The following ZNF264 variants were observed in gnomAD, a reference collection of about 807,000 sequenced individuals.
ZNF264 encodes zinc finger protein 264.
In ZNF264, 11 loss-of-function variants were observed where a neutral mutation model predicts 11.2. The ratio of observed to expected loss-of-function variants is 0.98; its 90% CI spans 0.62 to 1.63. The LOEUF is 1.63. Among genes scored for constraint, ZNF264 ranks in the 40% most tolerant of loss-of-function variants. The pLI is 0.00. For missense variants in ZNF264, 752 were observed against 768.1 expected (o/e 0.98, Z 0.25); for synonymous variants, 309 against 279.8 (o/e 1.10, Z -1.04).
intron 2 of ZNF264, among the ~76,000 whole-genome samples, chr19:57,203,456 A>G (rs955988800): frequency 6.6e-6 from 1 of 152,152 alleles, no homozygotes; most frequent in Non-Finnish European, 1.5e-5. Flanking sequence ...AAATATGACT[A>G]CTGTATTTTC....
Position 57,211,679 on chromosome 19 carries a change from C to T in ZNF264, c.582C>T (p.Pro194=), listed in dbSNP as rs143794278. The part of the protein sequence containing the change: ...SHNSCESGKD[P]MIQEEENNFK... ...ACTCATGTGAGTCAGGTAAAGATCC[C>T]ATGATTCAGGAAGAGGAAAATAACT... is the stretch of plus-strand genomic sequence containing the variant. The change falls in exon 4 of 4, where the codon CCC becomes CCT. Residue 194 remains proline, a synonymous_variant. Transcript: ENST00000263095. 9.0e-5 allele frequency: 146 copies of T among 1,614,118 alleles called. No homozygotes were observed. The African/African-American group carries it at 1.8e-3, about 20-fold the overall frequency.
chr19:57,192,672 C>T, intron 1 of ZNF264: 1 of 547,298 alleles, frequency 1.8e-6, no homozygotes, highest in Non-Finnish European at 2.3e-6. Context: ...TAGATGCAGC[C>T]CTTCCAGTGC....
chr19:57,201,196 T>C (rs1400855279), intron 2 of ZNF264, among the ~76,000 whole-genome samples: 1 of 152,072 alleles, frequency 6.6e-6, no homozygotes, highest in East Asian at 1.9e-4. Context: ...CTTTCTTTTT[T>C]CTGCCCCTTG....
rs540868766 is a variant in ZNF264 at position 57,212,601 on chromosome 19, A to C, written c.1504A>C (p.Lys502Gln). 37 of 1,613,848 alleles carry C rather than the reference A, an allele frequency of 2.3e-5. No individual in the cohort carries two copies. Among genetic ancestry groups the C allele is most frequent in the East Asian group, 2.0e-4 (9 of 44,790 alleles). Residue 502 changes from lysine (K) to glutamine (Q), a missense_variant, in exon 4 of 4, where the codon AAG (lysine) becomes CAG (glutamine). By Grantham distance (53) the Lys-to-Gln change is moderately conservative. Transcript: ENST00000263095. The stretch of plus-strand genomic sequence containing the variant: ...CCGCATGTCGGGCCTCACGAGGCAC[A>C]AGCGGATTCATAGTGGAGAGAAGCC... The part of the protein sequence containing the change: ...FTRMSGLTRH[K>Q]RIHSGEKPYE...
At chr19:57,200,249 AC>A (rs752942449) in intron 2 of ZNF264, among the ~76,000 whole-genome samples, 1 of 151,588 alleles carries the variant, frequency 6.6e-6, no homozygotes, top group Non-Finnish European at 1.5e-5. Context: ...AAAGAATGGG[AC>A]CCTGAAACTT....
intron 3 of ZNF264, among the ~76,000 whole-genome samples, chr19:57,207,791 A>G (rs2087304576): frequency 1.3e-5 from 2 of 149,228 alleles, no homozygotes; most frequent in African/African-American, 5.0e-5. Context: ...CAATGGCGCA[A>G]TCTCGGCTTA....
rs1340959807 is a variant in ZNF264, at chr19:57,191,654, C to T, written c.-260C>T. ...GCCTGACCCCTTCCGTGGGTTTGTT[C>T]CTGGGTCGCCGTCAAGCTGCGGTCT... On this transcript the variant is annotated 5_prime_UTR_variant, in exon 1 of 4. Transcript: ENST00000263095. The T allele has an allele frequency of 1.8e-5, 7 of 390,742 alleles. No individual in the cohort carries two copies. The highest frequency in any genetic ancestry group is 1.2e-4 in the African/African-American group (6 of 48,204). 24.2% of individuals were successfully genotyped at this position (390,742 alleles called of 1,614,324 possible). A position where few individuals can be genotyped will look rare whatever the true frequency, so the allele number is the denominator to read the frequency against.
chr19:57,212,836 A>G lies in ZNF264; in HGVS notation c.1739A>G (p.Gln580Arg), dbSNP rs148110986. The change falls in exon 4 of 4, where the codon CAA becomes CGA. Residue 580 changes from glutamine (Q) to arginine (R), a missense_variant. Gln to Arg is a conservative substitution (Grantham distance 43, BLOSUM62 1). Coordinates refer to ENST00000263095, the MANE Select transcript of ZNF264 (RefSeq NM_003417.5). ...TDVGRPFTSGQTSVTLRELLL... is the reference protein window; with the variant it reads ...TDVGRPFTSGRTSVTLRELLL... ...GTGGGAAGACCTTTTACAAGTGGAC[A>G]AACCTCAGTTACCCTTCGAGAACTT... is the stretch of plus-strand genomic sequence containing the variant. The G allele has an allele frequency of 2.8e-4, 445 of 1,614,222 alleles. 1 individual carries two copies. The highest frequency in any genetic ancestry group is 2.3e-3 in the Middle Eastern group (14 of 6,062).
At chr19:57,202,711 A>T in intron 2 of ZNF264, among the ~76,000 whole-genome samples, 1 of 151,884 alleles carries the variant, frequency 6.6e-6, no homozygotes, top group Non-Finnish European at 1.5e-5. Context: ...TTGCCCTAGG[A>T]GTCTCTTCAT....
At chr19:57,209,512 A>C (rs1453913304) in intron 3 of ZNF264, among the ~76,000 whole-genome samples, 1 of 152,172 alleles carries the variant, frequency 6.6e-6, no homozygotes, top group African/African-American at 2.4e-5. Context: ...TCATTGATCT[A>C]GATCATCTTT....
In ZNF264 at chr19:57,211,903, A is replaced by T. The variant is rs143071364; in HGVS notation, c.806A>T (p.Asn269Ile). Residue 269 changes from asparagine to isoleucine, a missense_variant, in exon 4 of 4, where the codon AAC (asparagine) becomes ATC (isoleucine). Transcript: ENST00000263095. ...YECMECGKAF[N>I]RKSYLTQHQR... ...TGCATGGAGTGTGGAAAGGCCTTCA[A>T]CCGCAAGTCATACCTTACCCAGCAC... The T allele has an allele frequency of 6.2e-7, 1 of 1,612,610 alleles. No individual in the cohort carries two copies.
At chr19:57,192,002 C>T in intron 1 of ZNF264, 56 bp downstream of exon 1, 1 of 1,449,518 alleles carries the variant, frequency 6.9e-7, no homozygotes, top group Non-Finnish European at 9.1e-7. Context: ...GAGGCGGTTT[C>T]CGAAGTGGGT....
intron 2 of ZNF264, among the ~76,000 whole-genome samples, chr19:57,200,573 GTCTTGTCT>G (rs2087245761): frequency 9.6e-6 from 1 of 104,376 alleles, no homozygotes; most frequent in Non-Finnish European, 1.9e-5. Context: ...GTCTTGTCTT[GTCTTGTCT>G]TGTCTTGTCT....
intron 3 of ZNF264, among the ~76,000 whole-genome samples, chr19:57,208,117 A>G (rs998965365): frequency 6.6e-6 from 1 of 152,222 alleles, no homozygotes; most frequent in Non-Finnish European, 1.5e-5. Flanking sequence ...GGCCTCCCAA[A>G]GTGCAGGGAT....
At chr19:57,207,869 G>A (rs1018910501) in intron 3 of ZNF264, among the ~76,000 whole-genome samples, 13 of 152,038 alleles carry the variant, frequency 8.6e-5, no homozygotes, top group Non-Finnish European at 1.8e-4. Context: ...TGGGATTATA[G>A]GTGCATGCCA....
chr19:57,211,965 A>G lies in ZNF264; in HGVS notation c.868A>G (p.Asn290Asp). ...IHSGEKPYKCNECGKAFTHRS... is the reference protein window; with the variant it reads ...IHSGEKPYKCDECGKAFTHRS... ...CAGTGGAGAGAAGCCTTACAAGTGC[A>G]ATGAATGCGGAAAGGCCTTCACCCA... Residue 290 changes from asparagine to aspartate, a missense_variant, in exon 4 of 4, where the codon AAT (asparagine) becomes GAT (aspartate). By Grantham distance (23) the Asn-to-Asp change is conservative. Transcript: ENST00000263095. 6.2e-7 allele frequency: 1 copy of G among 1,614,048 alleles called. No homozygotes were observed. The highest frequency in any genetic ancestry group is 8.5e-7 in the Non-Finnish European group (1 of 1,180,004).
intron 2 of ZNF264, among the ~76,000 whole-genome samples, chr19:57,204,042 C>T (rs1440820731): frequency 2.6e-5 from 4 of 152,076 alleles, no homozygotes; most frequent in Non-Finnish European, 5.9e-5. Context: ...AAAAAATTAG[C>T]CAGGTGTGGT....
chr19:57,202,124 T>C (rs1256009136), intron 2 of ZNF264, among the ~76,000 whole-genome samples: 1 of 151,712 alleles, frequency 6.6e-6, no homozygotes. Flanking sequence ...TAGGGAAGAT[T>C]GCCTGAGCCT....
At position 57,213,677 on chromosome 19, in the gene ZNF264, G is replaced by C. The variant is rs2087358703; in HGVS notation, c.*696G>C. ...TCTTTGCTCTTATTTAAAATCGACAGCATTTCTAGTTCCTTTGACATTCCA... is the reference window on the plus strand; with the variant it reads ...TCTTTGCTCTTATTTAAAATCGACACCATTTCTAGTTCCTTTGACATTCCA... On this transcript the variant is annotated 3_prime_UTR_variant, in exon 4 of 4. Transcript: ENST00000263095. 6.6e-6 allele frequency: 1 copy of C among 152,158 alleles called. No individual in the cohort carries two copies. Among genetic ancestry groups the C allele is most frequent in the Non-Finnish European group, 1.5e-5 (1 of 68,028 alleles). 9.4% of individuals were successfully genotyped at this position (152,158 alleles called of 1,614,324 possible). A position where few individuals can be genotyped will look rare whatever the true frequency, so the allele number is the denominator to read the frequency against.
Sources: allele counts gnomAD v4.1 joint callset (sites outside exome capture counted in the v4.1 genomes callset), GRCh38; gene constraint gnomAD v4.1.1; transcripts MANE v1.5; gene names NCBI Gene and HGNC (gene_info 2026-07-23, HGNC 2026-07-21).